Variants in OPA1 observed in about 807,000 individuals in gnomAD.
OPA1 encodes the protein OPA1 mitochondrial dynamin like GTPase.
OPA1 carries 59 observed loss-of-function variants against 152.9 expected under a neutral mutation model. That is an observed-to-expected ratio of 0.39 (90% CI 0.31 to 0.48). OPA1 has a LOEUF of 0.48. OPA1 is among the 20% of genes least tolerant of loss of function. The pLI, the probability that OPA1 is intolerant of heterozygous loss-of-function variation, is 0.96. For synonymous variants in OPA1, 400 were observed against 389.9 expected (o/e 1.03, Z -0.31); for missense variants, 1,008 against 1,216.8 (o/e 0.83, Z 2.55).
intron 1 of OPA1, chr3:193,596,672 T>A (rs1364941721): frequency 6.6e-6 from 1 of 152,224 alleles, no homozygotes; most frequent in Non-Finnish European, 1.5e-5. Flanking sequence ...TCTATTGTTC[T>A]TTGATTGCTG....
At chr3:193,685,296 C>A (rs1205432166) in intron 29 of OPA1, among the ~76,000 whole-genome samples, 8 of 149,186 alleles carry the variant, frequency 5.4e-5, no homozygotes, top group Non-Finnish European at 1.0e-4. Flanking sequence ...AGCGAGACTC[C>A]ATCTCAAAAA....
At chr3:193,602,383 A>G (rs1394243979) in intron 1 of OPA1, among the ~76,000 whole-genome samples, 1 of 152,206 alleles carries the variant, frequency 6.6e-6, no homozygotes, top group Non-Finnish European at 1.5e-5. Context: ...TCCAAATTCC[A>G]GACCATGGAG....
At chr3:193,659,685 A>T (rs1233948923) in intron 25 of OPA1, 124 bp downstream of exon 25, 224 of 724,080 alleles carry the variant, frequency 3.1e-4, no homozygotes, top group Non-Finnish European at 1.6e-5. Flanking sequence ...TTTATATCAT[A>T]CTTTCTAAAA....
intron 29 of OPA1, among the ~76,000 whole-genome samples, chr3:193,669,283 C>T (rs998388347): frequency 6.6e-6 from 1 of 152,208 alleles, no homozygotes; most frequent in Non-Finnish European, 1.5e-5. Flanking sequence ...ATTGCTTTCT[C>T]CTTTCCTTTT....
chr3:193,668,707 T>C, intron 29 of OPA1: 1 of 1,356,418 alleles, frequency 7.4e-7, no homozygotes, highest in South Asian at 1.4e-5. Context: ...AGGTCAGGCA[T>C]TAACACCTGC....
intron 8 of OPA1, among the ~76,000 whole-genome samples, chr3:193,635,127 T>C (rs1412150566): frequency 6.6e-6 from 1 of 152,246 alleles, no homozygotes; most frequent in Non-Finnish European, 1.5e-5. Context: ...AACTACTTCT[T>C]TAAATTCTTA....
chr3:193,638,289 G>C (rs1476043909), intron 11 of OPA1, among the ~76,000 whole-genome samples: 1 of 152,166 alleles, frequency 6.6e-6, no homozygotes, highest in South Asian at 2.1e-4. Context: ...AGACCCAGTT[G>C]GGAGGCCTTT....
At chr3:193,670,877 G>A (rs1717774951) in intron 29 of OPA1, among the ~76,000 whole-genome samples, 1 of 152,056 alleles carries the variant, frequency 6.6e-6, no homozygotes, top group Non-Finnish European at 1.5e-5. Context: ...GCTGGAGCAG[G>A]GAAAGGACAG....
chr3:193,619,969 A>G (rs1729748114), intron 6 of OPA1, among the ~76,000 whole-genome samples: 1 of 152,136 alleles, frequency 6.6e-6, no homozygotes, highest in African/African-American at 2.4e-5. Flanking sequence ...GTATGTCAAA[A>G]TGTATGTACG....
chr3:193,680,271 C>G (rs1560069029), intron 29 of OPA1, among the ~76,000 whole-genome samples: 2 of 152,110 alleles, frequency 1.3e-5, no homozygotes, highest in African/African-American at 2.4e-5. Context: ...ATGATTCATT[C>G]GTCTGTTATG....
At chr3:193,629,837 A>G (rs1343648813) in intron 7 of OPA1, among the ~76,000 whole-genome samples, 1 of 152,126 alleles carries the variant, frequency 6.6e-6, no homozygotes, top group African/African-American at 2.4e-5. Context: ...ATTGCCCCAG[A>G]TGTCAAGTAA....
rs760513482 is a variant in OPA1 at position 193,593,369 on chromosome 3, G to A, written c.-9G>A. 5.8e-6 allele frequency: 9 copies of A among 1,545,902 alleles called. No individual in the cohort carries two copies. The South Asian group carries it at 9.6e-5, about 16-fold the overall frequency. Reference sequence around the variant, plus strand: ...GTCTCGGCGCCTGCGTGACCTCCCCGCCGGCGGGATGTGGCGACTACGTCG... The same window carrying A: ...GTCTCGGCGCCTGCGTGACCTCCCCACCGGCGGGATGTGGCGACTACGTCG... On this transcript the variant is annotated 5_prime_UTR_variant, in exon 1 of 31. Coordinates refer to ENST00000361510, the MANE Select transcript of OPA1 (RefSeq NM_130837.3).
chr3:193,633,642 G>A (rs1016208940), intron 8 of OPA1, among the ~76,000 whole-genome samples: 4 of 152,090 alleles, frequency 2.6e-5, no homozygotes, highest in African/African-American at 9.7e-5. Context: ...CATTAAAAAG[G>A]GGTAAAAAGA....
At chr3:193,648,570 T>C in intron 20 of OPA1, 1 of 482,082 alleles carries the variant, frequency 2.1e-6, no homozygotes, top group Non-Finnish European at 3.8e-6. Flanking sequence ...TGTGAAAAAC[T>C]GCATTCAAAC....
intron 29 of OPA1, chr3:193,691,780 T>C (rs1577410915): frequency 4.0e-6 from 1 of 249,616 alleles, no homozygotes; most frequent in East Asian, 8.0e-5. Context: ...CTCTACATAA[T>C]TGTACATGTA....
chr3:193,604,860 C>CAAAAAAAAAAAAAAAAAAAAAAAAA (rs55904490), intron 1 of OPA1, among the ~76,000 whole-genome samples: 2 of 104,592 alleles, frequency 1.9e-5, no homozygotes, highest in African/African-American at 7.7e-5. Context: ...AACTCCATCT[C>CAAAAAAAAAAAAAAAAAAAAAAAAA]AAAAAAAAAA....
At chr3:193,615,295 G>A (rs1290340100) in intron 2 of OPA1, among the ~76,000 whole-genome samples, 1 of 152,156 alleles carries the variant, frequency 6.6e-6, no homozygotes, top group Non-Finnish European at 1.5e-5. Flanking sequence ...TTGATTTTGA[G>A]CTTAGACATT....
At chr3:193,611,949 G>T (rs1364911663) in intron 1 of OPA1, among the ~76,000 whole-genome samples, 1 of 151,878 alleles carries the variant, frequency 6.6e-6, no homozygotes, top group Non-Finnish European at 1.5e-5. Context: ...GCTATTTTTG[G>T]TCCTTCTTGT....
At chr3:193,600,085 C>G (rs867315710) in intron 1 of OPA1, among the ~76,000 whole-genome samples, 12 of 152,314 alleles carry the variant, frequency 7.9e-5, no homozygotes, top group Middle Eastern at 3.4e-3. Flanking sequence ...CCTATTTGAG[C>G]TAGGTTACAG....
Sources: gnomAD v4.1 joint callset for allele counts (sites outside exome capture counted in the v4.1 genomes callset) on GRCh38, gnomAD v4.1.1 for gene constraint, MANE v1.5 for transcripts, NCBI Gene and HGNC (gene_info 2026-07-23, HGNC 2026-07-21) for gene names.